The following PIP4K2A variants were observed in gnomAD, a reference collection of about 807,000 sequenced individuals.
The protein encoded by PIP4K2A is phosphatidylinositol 5-phosphate 4-kinase type-2 alpha.
Under a neutral mutation model 42.9 loss-of-function variants are expected in PIP4K2A, and 14 were observed. The observed-to-expected ratio is 0.33, with a 90% confidence interval of 0.22 to 0.51. The LOEUF (loss-of-function observed/expected upper bound fraction) is 0.51, where lower values mean the gene tolerates loss of function less well. PIP4K2A is among the 20% of genes least tolerant of loss of function. The probability of loss-of-function intolerance (pLI) is 0.97; values close to 1 mark genes in which losing one functional copy is unlikely to be tolerated. For missense variants in PIP4K2A, 434 were observed against 519.8 expected (o/e 0.83, Z 1.61); for synonymous variants, 192 against 192.2 (o/e 1.00, Z 0.01).
chr10:22,704,147 G>A (rs145226006), intron 1 of PIP4K2A, among the ~76,000 whole-genome samples: 5 of 152,276 alleles, frequency 3.3e-5, no homozygotes, highest in Admixed American at 6.5e-5. Flanking sequence ...AAAGCCATGA[G>A]ACTAAATGAA....
At chr10:22,608,173 G>A (rs927252323) in intron 2 of PIP4K2A, 150 bp from the exon 3 acceptor site, 4 of 543,644 alleles carry the variant, frequency 7.4e-6, no homozygotes, top group Admixed American at 6.6e-5. Context: ...GGTACAACCC[G>A]CAGAAAGATC....
At chr10:22,581,698 G>A (rs921029719) in intron 4 of PIP4K2A, among the ~76,000 whole-genome samples, 5 of 151,634 alleles carry the variant, frequency 3.3e-5, no homozygotes, top group African/African-American at 1.2e-4. Context: ...AATAGCTTCC[G>A]TTAATTCTAA....
chr10:22,558,107 G>A (rs559163918), intron 6 of PIP4K2A, among the ~76,000 whole-genome samples: 21 of 152,168 alleles, frequency 1.4e-4, no homozygotes, highest in African/African-American at 4.6e-4. Context: ...GACTGCTGCC[G>A]GGTGTCCTTT....
chr10:22,570,529 A>G (rs540357791), intron 5 of PIP4K2A, among the ~76,000 whole-genome samples: 65 of 152,278 alleles, frequency 4.3e-4, no homozygotes, highest in Admixed American at 1.1e-3. Context: ...AGACTTTAAG[A>G]CAGGACAGGA....
At chr10:22,569,244 T>C (rs1369640464) in intron 5 of PIP4K2A, among the ~76,000 whole-genome samples, 1 of 152,192 alleles carries the variant, frequency 6.6e-6, no homozygotes, top group African/African-American at 2.4e-5. Flanking sequence ...TGGTGCTCAG[T>C]GCCCCCAGGA....
intron 1 of PIP4K2A, among the ~76,000 whole-genome samples, chr10:22,628,028 T>C (rs189428858): frequency 6.6e-6 from 1 of 152,328 alleles, no homozygotes; most frequent in Admixed American, 6.5e-5. Context: ...AATTTTAAAC[T>C]CATTCCCTGG....
Position 22,664,091 on chromosome 10 carries a change from A to G in PIP4K2A, c.144+50092T>C, listed in dbSNP as rs1265042737. Reference sequence around the variant, plus strand: ...TATATATATACGTATATATATATACATATATATATATACATATATATATAC... The same window carrying G: ...TATATATATACGTATATATATATACGTATATATATATACATATATATATAC... On this transcript the variant is annotated intron_variant, in intron 1 of 9. Coordinates refer to ENST00000376573, the MANE Select transcript of PIP4K2A (RefSeq NM_005028.5). Among the ~76,000 whole-genome samples, 189 of 67,124 alleles carry G rather than the reference A, an allele frequency of 2.8e-3. 9 individuals are homozygous for G. The highest frequency in any genetic ancestry group is 0.017 in the African/African-American group (112 of 6,640). 44.0% of individuals were successfully genotyped at this position (67,124 alleles called of 152,430 possible). A position where few individuals can be genotyped will look rare whatever the true frequency, so the allele number is the denominator to read the frequency against.
intron 6 of PIP4K2A, among the ~76,000 whole-genome samples, chr10:22,556,489 T>C (rs1275875359): frequency 2.6e-5 from 4 of 152,252 alleles, no homozygotes; most frequent in South Asian, 2.1e-4. Flanking sequence ...TTGAAATTTA[T>C]GATCTTTATT....
intron 1 of PIP4K2A, among the ~76,000 whole-genome samples, chr10:22,651,461 C>G (rs113982256): frequency 2.6e-5 from 4 of 152,180 alleles, no homozygotes; most frequent in African/African-American, 9.7e-5. Flanking sequence ...GTTCTCCCAG[C>G]GAGCCTGGGG....
Position 22,542,064 on chromosome 10 carries a change from C to T in PIP4K2A, c.793-17G>A. Reference sequence around the variant, plus strand: ...GGCCAGAAACTGGGGACAGAGGCAACAGGGTGAGTCAGCCACACCTTAAAC... The same window carrying T: ...GGCCAGAAACTGGGGACAGAGGCAATAGGGTGAGTCAGCCACACCTTAAAC... On this transcript the variant is annotated splice_polypyrimidine_tract_variant and intron_variant, in intron 7 of 9. Transcript: ENST00000376573. 1.3e-6 allele frequency: 2 copies of T among 1,589,458 alleles called. No homozygotes were observed. The highest frequency in any genetic ancestry group is 1.7e-6 in the Non-Finnish European group (2 of 1,167,526).
At chr10:22,685,936 C>T (rs565829155) in intron 1 of PIP4K2A, among the ~76,000 whole-genome samples, 1 of 152,296 alleles carries the variant, frequency 6.6e-6, no homozygotes, top group South Asian at 2.1e-4. Context: ...TTACAGTTCT[C>T]TAATTTACTT....
At chr10:22,644,572 C>A (rs74497061) in intron 1 of PIP4K2A, among the ~76,000 whole-genome samples, 216 of 152,324 alleles carry the variant, frequency 1.4e-3, no homozygotes, top group African/African-American at 5.1e-3. Flanking sequence ...AGTCTCCTCT[C>A]AAATGCCACC....
chr10:22,631,921 A>C (rs1838558056), intron 1 of PIP4K2A, among the ~76,000 whole-genome samples: 1 of 152,246 alleles, frequency 6.6e-6, no homozygotes, highest in Non-Finnish European at 1.5e-5. Context: ...AACTGACCAG[A>C]GTCAACAGCT....
At chr10:22,652,650 A>C (rs934453027) in intron 1 of PIP4K2A, among the ~76,000 whole-genome samples, 2 of 152,244 alleles carry the variant, frequency 1.3e-5, no homozygotes, top group African/African-American at 4.8e-5. Flanking sequence ...AAAACCAAAA[A>C]TTTAAAGTCT....
chr10:22,562,422 G>A (rs1836734411), intron 6 of PIP4K2A, among the ~76,000 whole-genome samples: 1 of 152,136 alleles, frequency 6.6e-6, no homozygotes, highest in Non-Finnish European at 1.5e-5. Context: ...AGTGACAGGC[G>A]CTTGTAGTCC....
intron 4 of PIP4K2A, among the ~76,000 whole-genome samples, chr10:22,586,925 T>C (rs1837408460): frequency 6.6e-6 from 1 of 152,200 alleles, no homozygotes; most frequent in Non-Finnish European, 1.5e-5. Context: ...AGGGTACTAT[T>C]ATCCAAATAT....
At position 22,700,632 on chromosome 10, in the gene PIP4K2A, G is replaced by T. The variant is rs145371579; in HGVS notation, c.144+13551C>A. ...ATGCAGCCCCTTGCTATGGTGTGCAGGTGGCAATACTGACGTCAGCCCCCA... is the reference window on the plus strand; with the variant it reads ...ATGCAGCCCCTTGCTATGGTGTGCATGTGGCAATACTGACGTCAGCCCCCA... On this transcript the variant is annotated intron_variant, in intron 1 of 9. Coordinates refer to ENST00000376573, the MANE Select transcript of PIP4K2A (RefSeq NM_005028.5). Among the ~76,000 whole-genome samples, 86 of 152,322 alleles carry T rather than the reference G, an allele frequency of 5.6e-4. 1 individual carries two copies. The East Asian group carries it at 7.7e-3, about 14-fold the overall frequency.
chr10:22,548,491 C>T (rs1836310011), intron 7 of PIP4K2A, among the ~76,000 whole-genome samples: 1 of 152,122 alleles, frequency 6.6e-6, no homozygotes, highest in Non-Finnish European at 1.5e-5. Flanking sequence ...ACCCTAAGGG[C>T]TACTTACCAT....
chr10:22,684,030 A>C (rs1054817772), intron 1 of PIP4K2A, among the ~76,000 whole-genome samples: 12 of 152,104 alleles, frequency 7.9e-5, no homozygotes, highest in African/African-American at 2.9e-4. Flanking sequence ...TACTCACAAG[A>C]AGCCTGGAGC....
Sources: gnomAD v4.1 joint callset for allele counts (sites outside exome capture counted in the v4.1 genomes callset) on GRCh38, gnomAD v4.1.1 for gene constraint, MANE v1.5 for transcripts, NCBI Gene and HGNC (gene_info 2026-07-23, HGNC 2026-07-21) for gene names.